The following SOX6 variants were observed in gnomAD, a reference collection of about 807,000 sequenced individuals.
SOX6 encodes the protein transcription factor SOX-6.
Under a neutral mutation model 97.8 loss-of-function variants are expected in SOX6, and 11 were observed. The observed-to-expected ratio is 0.11, with a 90% CI of 0.07 to 0.19. The LOEUF is 0.19. Among genes scored for constraint, SOX6 ranks in the 10% least tolerant of loss-of-function variants. The pLI is 1.00. For synonymous variants in SOX6, 360 were observed against 371.4 expected (o/e 0.97, Z 0.35); for missense variants, 810 against 1,039.5 (o/e 0.78, Z 3.04).
At chr11:16,659,421 C>T (rs1339759117) in intron 3 of SOX6, among the ~76,000 whole-genome samples, 3 of 152,196 alleles carry the variant, frequency 2.0e-5, no homozygotes, top group African/African-American at 7.2e-5. Context: ...TTTGCCAACA[C>T]CATACTGTAT....
At chr11:16,685,225 A>G (rs1847960337) in intron 3 of SOX6, among the ~76,000 whole-genome samples, 1 of 152,218 alleles carries the variant, frequency 6.6e-6, no homozygotes, top group South Asian at 2.1e-4. Context: ...TAAATTAAAA[A>G]AAATACAATC....
At chr11:16,566,551 G>GA (rs1196333627) in intron 4 of SOX6, among the ~76,000 whole-genome samples, 1 of 152,196 alleles carries the variant, frequency 6.6e-6, no homozygotes. Flanking sequence ...TCATCTATCA[G>GA]AAACTCAGCC....
intron 1 of SOX6, among the ~76,000 whole-genome samples, chr11:16,400,120 C>G (rs1240952923): frequency 1.3e-5 from 2 of 151,470 alleles, no homozygotes; most frequent in Non-Finnish European, 3.0e-5. Context: ...GTTCAAGACA[C>G]TGGCGAATAT....
chr11:16,559,447 A>C (rs527280481), intron 4 of SOX6, among the ~76,000 whole-genome samples: 57 of 152,234 alleles, frequency 3.7e-4, no homozygotes, highest in African/African-American at 1.2e-3. Flanking sequence ...ACAAATCTGA[A>C]ACTGAAAAGT....
chr11:16,691,122 A>C (rs16933351), intron 3 of SOX6, among the ~76,000 whole-genome samples: 1,695 of 152,186 alleles, frequency 0.011, 24 homozygotes, highest in African/African-American at 0.039. Context: ...TGTTTTCATG[A>C]CCCTCCTTGG....
chr11:16,579,961 G>A (rs1314692853), intron 4 of SOX6, among the ~76,000 whole-genome samples: 1 of 152,100 alleles, frequency 6.6e-6, no homozygotes, highest in Non-Finnish European at 1.5e-5. Flanking sequence ...GGCATTGTCA[G>A]TCTTTTTAAT....
intron 1 of SOX6, among the ~76,000 whole-genome samples, chr11:16,342,888 G>A (rs986010705): frequency 5.3e-5 from 8 of 151,808 alleles, no homozygotes; most frequent in African/African-American, 1.9e-4. Context: ...CATTCTACAA[G>A]TAACAAAAAT....
intron 1 of SOX6, among the ~76,000 whole-genome samples, chr11:16,416,778 G>T (rs1453911509): frequency 6.6e-6 from 1 of 152,126 alleles, no homozygotes; most frequent in African/African-American, 2.4e-5. Context: ...GAAACCAGAG[G>T]TATTTTTCCA....
At chr11:16,188,383 C>T (rs991031051) in intron 4 of SOX6, among the ~76,000 whole-genome samples, 11 of 152,008 alleles carry the variant, frequency 7.2e-5, no homozygotes, top group Non-Finnish European at 1.3e-4. Context: ...CAAGGCTAGT[C>T]GCCAGCTACT....
chr11:16,491,690 G>T (rs1860512409), intron 4 of SOX6, among the ~76,000 whole-genome samples: 2 of 152,084 alleles, frequency 1.3e-5, no homozygotes, highest in African/African-American at 4.8e-5. Context: ...AGAGTAACTG[G>T]CACAAGAGGA....
At chr11:16,486,599 G>A (rs545283625) in intron 4 of SOX6, among the ~76,000 whole-genome samples, 1 of 152,122 alleles carries the variant, frequency 6.6e-6, no homozygotes, top group Admixed American at 6.5e-5. Flanking sequence ...GGTGGCTCAC[G>A]CCTGTAATCC....
chr11:16,050,408 C>T (rs1293220100), intron 10 of SOX6, among the ~76,000 whole-genome samples: 1 of 152,132 alleles, frequency 6.6e-6, no homozygotes, highest in East Asian at 1.9e-4. Context: ...ACATGGAAAG[C>T]CTTTTTCTGA....
intron 3 of SOX6, among the ~76,000 whole-genome samples, chr11:16,262,192 A>G (rs1311943198): frequency 6.6e-6 from 1 of 152,080 alleles, no homozygotes; most frequent in Non-Finnish European, 1.5e-5. Flanking sequence ...TTGGCTCTAT[A>G]TGAGCATCAA....
intron 6 of SOX6, among the ~76,000 whole-genome samples, chr11:16,146,869 A>G (rs1486576385): frequency 6.6e-6 from 1 of 152,166 alleles, no homozygotes; most frequent in African/African-American, 2.4e-5. Flanking sequence ...GCTAGAGAGG[A>G]TGTGGAGAAA....
intron 4 of SOX6, among the ~76,000 whole-genome samples, chr11:16,534,905 A>T (rs939123425): frequency 6.6e-6 from 1 of 152,238 alleles, no homozygotes; most frequent in African/African-American, 2.4e-5. Context: ...CAACAGTTAT[A>T]GCTATGGTAC....
intron 4 of SOX6, among the ~76,000 whole-genome samples, chr11:16,493,926 A>G (rs1366948298): frequency 3.9e-5 from 6 of 152,236 alleles, no homozygotes; most frequent in South Asian, 2.1e-4. Flanking sequence ...TCCTACGTAG[A>G]CATTTGTACA....
At chr11:16,684,822 A>G (rs1847956601) in intron 3 of SOX6, among the ~76,000 whole-genome samples, 1 of 152,224 alleles carries the variant, frequency 6.6e-6, no homozygotes, top group South Asian at 2.1e-4. Flanking sequence ...TTATAATGAA[A>G]AGAGGTTTAC....
chr11:16,495,589 C>G (rs747448953), intron 4 of SOX6, among the ~76,000 whole-genome samples: 12 of 152,188 alleles, frequency 7.9e-5, no homozygotes, highest in Non-Finnish European at 1.5e-4. Context: ...CAAGGACTGT[C>G]CACCAAGCCT....
At chr11:16,464,805 A>G (rs1859997612) in intron 1 of SOX6, among the ~76,000 whole-genome samples, 1 of 152,186 alleles carries the variant, frequency 6.6e-6, no homozygotes, top group Non-Finnish European at 1.5e-5. Context: ...GTTTTTACCA[A>G]GTAGGCACAC....
Sources: allele counts gnomAD v4.1 joint callset (sites outside exome capture counted in the v4.1 genomes callset), GRCh38; gene constraint gnomAD v4.1.1; transcripts MANE v1.5; gene names NCBI Gene and HGNC (gene_info 2026-07-23, HGNC 2026-07-21).